The following RFPL4AL1 variants were observed in gnomAD, a reference collection of about 807,000 sequenced individuals.
The protein encoded by RFPL4AL1 is ret finger protein like 4A like 1, also known as ret finger protein-like 4A-like protein 1.
RFPL4AL1 carries 2 observed loss-of-function variants against 8.2 expected under a neutral mutation model. The ratio of observed to expected loss-of-function variants is 0.24; its 90% confidence interval spans 0.10 to 0.77. The LOEUF is 0.77. Among genes scored for constraint, RFPL4AL1 ranks in the 30% least tolerant of loss-of-function variants. RFPL4AL1 has a pLI of 0.72. For synonymous variants in RFPL4AL1, 25 were observed against 131.8 expected, an observed-to-expected ratio of 0.19 and a Z score of 5.55; for missense variants, 57 against 350.3, an observed-to-expected ratio of 0.16 and a Z score of 6.68.
chr19:55,771,079 GTTTTTTGTTTT>G (rs1471644170), intron 1 of RFPL4AL1, among the ~76,000 whole-genome samples: 2 of 89,530 alleles, frequency 2.2e-5, no homozygotes, highest in Non-Finnish European at 5.0e-5. Context: ...TTTTAGTTCT[GTTTTTTGTTTT>G]TTTTTTTTTT....
At chr19:55,770,869 T>C (rs554426459) in intron 1 of RFPL4AL1, among the ~76,000 whole-genome samples, 1 of 152,092 alleles carries the variant, frequency 6.6e-6, no homozygotes, top group Admixed American at 6.5e-5. Context: ...ATTTCTCAGA[T>C]GGTGAGTGAG....
intron 1 of RFPL4AL1, among the ~76,000 whole-genome samples, chr19:55,770,807 C>T (rs73055945): frequency 0.1 from 15,763 of 150,216 alleles, 1,259 homozygotes; most frequent in Non-Finnish European, 0.16. Context: ...TCACTGGATA[C>T]GTTCTCGATT....
At chr19:55,770,331 G>A (rs1989467472) in intron 1 of RFPL4AL1, among the ~76,000 whole-genome samples, 1 of 151,958 alleles carries the variant, frequency 6.6e-6, no homozygotes, top group Non-Finnish European at 1.5e-5. Context: ...CCAGTTTCCA[G>A]GTTCTGGATG....
Position 55,770,018 on chromosome 19 carries a change from A to G in RFPL4AL1, c.-10+843A>G, listed in dbSNP as rs183185774. Among the ~76,000 whole-genome samples, 215 of 152,068 alleles carry G rather than the reference A, an allele frequency of 1.4e-3. 3 individuals carry two copies. Among genetic ancestry groups the G allele is most frequent in the Non-Finnish European group, 2.3e-3 (159 of 67,920 alleles). On this transcript the variant is annotated intron_variant, in intron 1 of 2. Coordinates refer to ENST00000341750, the MANE Select transcript of RFPL4AL1 (RefSeq NM_001277397.2). Reference sequence around the variant, plus strand: ...CTGCAGAGAACCTAAGAGTGCAGATATCTCTTTGATATGCTGACCTCTTTC... The same window carrying G: ...CTGCAGAGAACCTAAGAGTGCAGATGTCTCTTTGATATGCTGACCTCTTTC...
At chr19:55,769,804 A>T (rs1989456077) in intron 1 of RFPL4AL1, among the ~76,000 whole-genome samples, 1 of 151,682 alleles carries the variant, frequency 6.6e-6, no homozygotes, top group Non-Finnish European at 1.5e-5. Flanking sequence ...CTGAGATCAT[A>T]CAGTGTTTAC....
At chr19:55,769,982 T>G (rs1989459779) in intron 1 of RFPL4AL1, among the ~76,000 whole-genome samples, 1 of 151,990 alleles carries the variant, frequency 6.6e-6, no homozygotes, top group Non-Finnish European at 1.5e-5. Context: ...CCATGGCTGT[T>G]GTGAATAATG....
At chr19:55,770,172 G>T (rs547356174) in intron 1 of RFPL4AL1, among the ~76,000 whole-genome samples, 26 of 152,088 alleles carry the variant, frequency 1.7e-4, no homozygotes, top group East Asian at 5.8e-4. Context: ...CGTGCACAAG[G>T]GTTCCCCTTT....
intron 1 of RFPL4AL1, among the ~76,000 whole-genome samples, chr19:55,769,976 G>A (rs1989459577): frequency 6.6e-6 from 1 of 151,930 alleles, no homozygotes; most frequent in South Asian, 2.1e-4. Context: ...TTGTTTCCAT[G>A]GCTGTTGTGA....
intron 1 of RFPL4AL1, among the ~76,000 whole-genome samples, chr19:55,770,017 T>G (rs1173508981): frequency 3.3e-5 from 5 of 151,994 alleles, no homozygotes; most frequent in Non-Finnish European, 7.4e-5. Flanking sequence ...AGAGTGCAGA[T>G]ATCTCTTTGA....
intron 1 of RFPL4AL1, among the ~76,000 whole-genome samples, chr19:55,770,305 G>A (rs1989466900): frequency 6.6e-6 from 1 of 151,936 alleles, no homozygotes. Flanking sequence ...GGATGCCAGA[G>A]AGAACCCAGT....
chr19:55,770,347 G>T (rs370674706), intron 1 of RFPL4AL1, among the ~76,000 whole-genome samples: 2 of 151,874 alleles, frequency 1.3e-5, no homozygotes, highest in African/African-American at 4.8e-5. Flanking sequence ...GGATGCTGTC[G>T]GGAGAACGAA....
chr19:55,769,845 T>C (rs1277326425), intron 1 of RFPL4AL1, among the ~76,000 whole-genome samples: 1 of 151,850 alleles, frequency 6.6e-6, no homozygotes, highest in Admixed American at 6.6e-5. Context: ...TCACTTCCCA[T>C]CATGCCCTCG....
intron 1 of RFPL4AL1, 87 bp from the exon 2 acceptor site, chr19:55,771,709 G>A (rs1431069672): frequency 1.4e-6 from 2 of 1,392,888 alleles, no homozygotes; most frequent in Non-Finnish European, 2.0e-6. Context: ...ATAGCTCCAT[G>A]CATGTAAAGA....
At chr19:55,769,896 T>C (rs1260286372) in intron 1 of RFPL4AL1, among the ~76,000 whole-genome samples, 2 of 151,526 alleles carry the variant, frequency 1.3e-5, no homozygotes, top group Non-Finnish European at 2.9e-5. Flanking sequence ...TTGCCTTCTT[T>C]TTTATGGTAG....
At chr19:55,770,508 G>A (rs1989471735) in intron 1 of RFPL4AL1, among the ~76,000 whole-genome samples, 1 of 151,950 alleles carries the variant, frequency 6.6e-6, no homozygotes, top group Non-Finnish European at 1.5e-5. Context: ...CTTCTAATTA[G>A]GAGGTGAACT....
chr19:55,771,284 T>G (rs1194384638), intron 1 of RFPL4AL1, among the ~76,000 whole-genome samples: 415 of 149,396 alleles, frequency 2.8e-3, no homozygotes, highest in African/African-American at 0.01. Context: ...TATATGTAAT[T>G]GTAAATTCAT....
At position 55,771,867 on chromosome 19, in the gene RFPL4AL1, C is replaced by A; in HGVS notation, c.63C>A (p.Ala21=). 6.5e-7 allele frequency: 1 copy of A among 1,548,838 alleles called. No individual in the cohort carries two copies. Among genetic ancestry groups the A allele is most frequent in the African/African-American group, 1.4e-5 (1 of 72,878 alleles). Reference sequence around the variant, plus strand: ...TCTGTCTAAAAGATCTTGAAGAAGCCGTGCAACTGAAATGTGGATATGCCT... The same window carrying A: ...TCTGTCTAAAAGATCTTGAAGAAGCAGTGCAACTGAAATGTGGATATGCCT... ...CPVCLKDLEE[A]VQLKCGYACC... The change falls in exon 2 of 3, where the codon GCC becomes GCA. Residue 21 remains alanine (A), a synonymous_variant. Coordinates refer to ENST00000341750, the MANE Select transcript of RFPL4AL1 (RefSeq NM_001277397.2).
intron 1 of RFPL4AL1, among the ~76,000 whole-genome samples, chr19:55,769,979 T>C (rs1989459652): frequency 1.3e-5 from 2 of 152,034 alleles, no homozygotes; most frequent in African/African-American, 4.8e-5. Context: ...TTTCCATGGC[T>C]GTTGTGAATA....
intron 1 of RFPL4AL1, 33 bp downstream of exon 1, chr19:55,769,208 A>T (rs1445423356): frequency 3.3e-5 from 5 of 152,120 alleles, no homozygotes. Flanking sequence ...CATTTTTACA[A>T]AAGGCGTATG....
Sources: allele counts gnomAD v4.1 joint callset (sites outside exome capture counted in the v4.1 genomes callset), GRCh38; gene constraint gnomAD v4.1.1; transcripts MANE v1.5; gene names NCBI Gene and HGNC (gene_info 2026-07-23, HGNC 2026-07-21).